The following KCNMA1 variants were observed in gnomAD, a reference collection of about 807,000 sequenced individuals.
KCNMA1 encodes the protein Calcium-activated potassium channel subunit alpha-1.
A neutral mutation model predicts 140.0 loss-of-function variants in KCNMA1; 29 were observed. The ratio of observed to expected loss-of-function variants is 0.21; its 90% confidence interval spans 0.15 to 0.28. KCNMA1 has a LOEUF of 0.28. Ranked by LOEUF, KCNMA1 falls within the 10% of genes least tolerant of loss-of-function variation. The pLI is 1.00. For missense variants in KCNMA1, 880 were observed against 1,602.2 expected, an observed-to-expected ratio of 0.55 and a Z score of 7.70; for synonymous variants, 612 against 611.9, an observed-to-expected ratio of 1.00 and a Z score of 0.00.
At position 76,914,920 on chromosome 10, in the gene KCNMA1, T is replaced by G. The variant is rs190490385; in HGVS notation, c.3016+16A>C. 3.3e-5 allele frequency: 52 copies of G among 1,556,760 alleles called. No homozygotes were observed. In the East Asian group the frequency reaches 1.1e-3, roughly 34 times the overall value. On this transcript the variant is annotated intron_variant, in intron 24 of 27. Coordinates refer to ENST00000286628, the MANE Select transcript of KCNMA1 (RefSeq NM_001161352.2). ...ACAGAACAAAAACTCCCCCCAAAGC[T>G]GACATTGACCCCTACCTAGTTCAGT...
At chr10:77,039,735 G>A in intron 14 of KCNMA1, 98 bp from the exon 15 acceptor site, 1 of 761,922 alleles carries the variant, frequency 1.3e-6, no homozygotes, top group Non-Finnish European at 2.3e-6. Flanking sequence ...TGAATGCACT[G>A]GTTAGATAAT....
In KCNMA1 at chr10:76,922,421, C is replaced by T. The variant is rs1361041564; in HGVS notation, c.2903-7372G>A. 3.9e-5 allele frequency among the ~76,000 whole-genome samples: 6 copies of T among 152,148 alleles called. 1 individual carries two copies. In the South Asian group the frequency reaches 1.2e-3, roughly 32 times the overall value. On this transcript the variant is annotated intron_variant, in intron 23 of 27. Transcript: ENST00000286628. ...GTGCAGGGAAGAAACTCCGCCCCCACCCTGGAAACAGAAGTGGCAACATGA... is the reference window on the plus strand; with the variant it reads ...GTGCAGGGAAGAAACTCCGCCCCCATCCTGGAAACAGAAGTGGCAACATGA...
intron 2 of KCNMA1, among the ~76,000 whole-genome samples, chr10:77,398,896 C>T (rs988069103): frequency 3.3e-5 from 5 of 152,098 alleles, no homozygotes; most frequent in African/African-American, 1.2e-4. Flanking sequence ...TTAGAAACCA[C>T]CTTATTCTTA....
chr10:77,084,920 C>T (rs1021779888), intron 11 of KCNMA1, among the ~76,000 whole-genome samples: 1 of 152,006 alleles, frequency 6.6e-6, no homozygotes, highest in East Asian at 1.9e-4. Flanking sequence ...CATCTTGTTG[C>T]TGTTGGAGGG....
chr10:77,377,601 G>T (rs1055041266), intron 2 of KCNMA1, among the ~76,000 whole-genome samples: 46 of 152,132 alleles, frequency 3.0e-4, no homozygotes, highest in African/African-American at 1.1e-3. Context: ...CGGAACTCTT[G>T]CTGGGCCATG....
intron 5 of KCNMA1, among the ~76,000 whole-genome samples, chr10:77,170,899 A>G (rs1209834402): frequency 6.6e-6 from 1 of 152,214 alleles, no homozygotes; most frequent in Non-Finnish European, 1.5e-5. Flanking sequence ...AAATTGTAAT[A>G]TGGAATATCA....
chr10:77,555,087 G>T (rs892102867), intron 1 of KCNMA1, among the ~76,000 whole-genome samples: 1 of 133,034 alleles, frequency 7.5e-6, no homozygotes, highest in Non-Finnish European at 1.6e-5. Flanking sequence ...ACAGGAAAAC[G>T]CATCAGATGA....
intron 14 of KCNMA1, among the ~76,000 whole-genome samples, chr10:77,053,382 G>C (rs927690867): frequency 6.6e-6 from 1 of 152,206 alleles, no homozygotes; most frequent in African/African-American, 2.4e-5. Context: ...GGAAAAACCA[G>C]ACAGATGCAC....
At chr10:77,048,551 A>G (rs2095217533) in intron 14 of KCNMA1, among the ~76,000 whole-genome samples, 1 of 152,214 alleles carries the variant, frequency 6.6e-6, no homozygotes, top group African/African-American at 2.4e-5. Context: ...GAAGGCACAG[A>G]TTTTTACCTG....
intron 1 of KCNMA1, among the ~76,000 whole-genome samples, chr10:77,511,270 G>A (rs1034358423): frequency 6.6e-6 from 1 of 152,228 alleles, no homozygotes; most frequent in Non-Finnish European, 1.5e-5. Context: ...GAGAACCACT[G>A]ATGCAGACAG....
intron 21 of KCNMA1, among the ~76,000 whole-genome samples, chr10:76,951,724 C>T (rs565856525): frequency 1.3e-5 from 2 of 152,288 alleles, no homozygotes; most frequent in South Asian, 4.1e-4. Context: ...CCAGACAGCA[C>T]CTCCCAGTCT....
Position 76,884,982 on chromosome 10 carries a change from G to T in KCNMA1, c.*2284C>A. ...GCTAGGTCATGCAGAACCATTAATT[G>T]TCATACCTTGGCCCATTCTATTCAT... On this transcript the variant is annotated 3_prime_UTR_variant, in exon 28 of 28. Transcript: ENST00000286628. 26 of 1,547,940 alleles carry T rather than the reference G, an allele frequency of 1.7e-5. No homozygotes were observed. The highest frequency in any genetic ancestry group is 2.3e-5 in the Non-Finnish European group (26 of 1,145,606).
At chr10:77,462,644 G>A (rs947382035) in intron 1 of KCNMA1, among the ~76,000 whole-genome samples, 1 of 152,228 alleles carries the variant, frequency 6.6e-6, no homozygotes, top group Non-Finnish European at 1.5e-5. Context: ...CCTGGAAGAT[G>A]TAAGGTCCCT....
At chr10:76,895,019 G>T (rs1187580551) in intron 25 of KCNMA1, among the ~76,000 whole-genome samples, 2 of 152,206 alleles carry the variant, frequency 1.3e-5, no homozygotes, top group Non-Finnish European at 2.9e-5. Context: ...CCTGGGCCTG[G>T]TAGTTAAAGA....
At chr10:77,254,383 G>A (rs1211362069) in intron 2 of KCNMA1, among the ~76,000 whole-genome samples, 3 of 151,818 alleles carry the variant, frequency 2.0e-5, no homozygotes, top group African/African-American at 4.8e-5. Context: ...CACCATACCC[G>A]GCTAATTTTT....
At chr10:77,610,532 T>C (rs2154567957) in intron 1 of KCNMA1, among the ~76,000 whole-genome samples, 1 of 152,350 alleles carries the variant, frequency 6.6e-6, no homozygotes, top group South Asian at 2.1e-4. Context: ...CGGTGCTGTC[T>C]CTTTTCTGCT....
intron 1 of KCNMA1, among the ~76,000 whole-genome samples, chr10:77,445,579 A>G (rs1170037024): frequency 6.6e-6 from 1 of 152,032 alleles, no homozygotes; most frequent in Non-Finnish European, 1.5e-5. Flanking sequence ...TATTTTAGCG[A>G]TGCAATGTTT....
chr10:77,179,270 G>C (rs149802832), intron 5 of KCNMA1, among the ~76,000 whole-genome samples: 8 of 152,294 alleles, frequency 5.3e-5, no homozygotes, highest in African/African-American at 1.9e-4. Flanking sequence ...GACTGAGTTG[G>C]TGGAGCTCAG....
At chr10:76,923,196 C>T (rs1299735510) in intron 23 of KCNMA1, among the ~76,000 whole-genome samples, 1 of 152,072 alleles carries the variant, frequency 6.6e-6, no homozygotes, top group Non-Finnish European at 1.5e-5. Flanking sequence ...CATTAAGATT[C>T]GTAAAATATA....
Sources: allele counts gnomAD v4.1 joint callset (sites outside exome capture counted in the v4.1 genomes callset), GRCh38; gene constraint gnomAD v4.1.1; transcripts MANE v1.5; gene names NCBI Gene and HGNC (gene_info 2026-07-23, HGNC 2026-07-21).